Variants in HS6ST3 observed in about 807,000 individuals in gnomAD.
HS6ST3 encodes heparan sulfate 6-O-sulfotransferase 3, also known as heparan-sulfate 6-O-sulfotransferase 3.
HS6ST3 carries 12 observed loss-of-function variants against 36.7 expected under a neutral mutation model. The ratio of observed to expected loss-of-function variants is 0.33; its 90% confidence interval spans 0.21 to 0.53. The LOEUF is 0.53. Among genes scored for constraint, HS6ST3 ranks in the 20% least tolerant of loss-of-function variants. HS6ST3 has a pLI of 0.95. For missense variants in HS6ST3, 584 were observed against 640.9 expected, an observed-to-expected ratio of 0.91 and a Z score of 0.96; for synonymous variants, 240 against 257.5, an observed-to-expected ratio of 0.93 and a Z score of 0.65.
chr13:96,832,582 C>G lies in HS6ST3; in HGVS notation c.800C>G (p.Ser267Cys), dbSNP rs533169440. The change falls in exon 2 of 2, where the codon TCT becomes TGT. Residue 267 changes from serine (S) to cysteine (C), a missense_variant. Ser to Cys is a moderately radical substitution (Grantham distance 112). This residue lies in a region of HS6ST3 where 360 missense variants were observed against 411.3 expected (regional missense o/e 0.88). Coordinates refer to ENST00000376705, the MANE Select transcript of HS6ST3 (RefSeq NM_153456.4). The stretch of plus-strand genomic sequence containing the variant: ...CAGAGAGGGGCCACTTGGAAAACCT[C>G]TCTTCATATGTGTGATGGAAGAAGC... ...HVQRGATWKT[S>C]LHMCDGRSPT... 1 of 1,613,962 alleles carries G rather than the reference C, an allele frequency of 6.2e-7. No individual in the cohort carries two copies. The highest frequency in any genetic ancestry group is 1.1e-5 in the South Asian group (1 of 91,044).
At chr13:96,224,745 G>A (rs1416176868) in intron 1 of HS6ST3, among the ~76,000 whole-genome samples, 1 of 152,170 alleles carries the variant, frequency 6.6e-6, no homozygotes. Flanking sequence ...GCAGTGCTTG[G>A]TCATCGAAGG....
intron 1 of HS6ST3, among the ~76,000 whole-genome samples, chr13:96,332,250 T>C (rs907843948): frequency 1.3e-5 from 2 of 152,176 alleles, no homozygotes; most frequent in African/African-American, 4.8e-5. Flanking sequence ...AAATTTCATA[T>C]CATAGTTTTA....
intron 1 of HS6ST3, among the ~76,000 whole-genome samples, chr13:96,304,209 T>C (rs2054897941): frequency 6.6e-6 from 1 of 152,094 alleles, no homozygotes; most frequent in Non-Finnish European, 1.5e-5. Flanking sequence ...TTTCTACTCA[T>C]GCAGATTCTG....
chr13:96,326,011 C>A (rs1323764295), intron 1 of HS6ST3, among the ~76,000 whole-genome samples: 1 of 151,892 alleles, frequency 6.6e-6, no homozygotes, highest in Non-Finnish European at 1.5e-5. Context: ...GCTTAAAATT[C>A]CCTAGTGATA....
At chr13:96,715,224 A>G (rs956713639) in intron 1 of HS6ST3, among the ~76,000 whole-genome samples, 1 of 152,176 alleles carries the variant, frequency 6.6e-6, no homozygotes, top group Non-Finnish European at 1.5e-5. Flanking sequence ...ACTTAAAGTA[A>G]AAAAGAAATA....
intron 1 of HS6ST3, among the ~76,000 whole-genome samples, chr13:96,601,647 G>A (rs1206297108): frequency 6.6e-6 from 1 of 152,078 alleles, no homozygotes; most frequent in Non-Finnish European, 1.5e-5. Flanking sequence ...TACTGCTGGA[G>A]AGTTAGTATA....
chr13:96,183,477 C>G (rs374692929), intron 1 of HS6ST3, among the ~76,000 whole-genome samples: 1 of 152,046 alleles, frequency 6.6e-6, no homozygotes, highest in South Asian at 2.1e-4. Flanking sequence ...ATCCCCCACC[C>G]CCTTCTAATT....
intron 1 of HS6ST3, among the ~76,000 whole-genome samples, chr13:96,394,687 A>G (rs1473874210): frequency 3.9e-5 from 6 of 152,330 alleles, no homozygotes; most frequent in African/African-American, 1.4e-4. Context: ...CTTTGCAATA[A>G]AGAGCTTAGA....
chr13:96,601,679 A>G (rs1328330605), intron 1 of HS6ST3, among the ~76,000 whole-genome samples: 1 of 150,402 alleles, frequency 6.6e-6, no homozygotes, highest in Non-Finnish European at 1.5e-5. Context: ...GTGTTGCAGA[A>G]CTCTTTTTTT....
At chr13:96,771,925 T>C (rs570378006) in intron 1 of HS6ST3, among the ~76,000 whole-genome samples, 2 of 152,366 alleles carry the variant, frequency 1.3e-5, no homozygotes, top group East Asian at 1.9e-4. Context: ...TGAAATACTA[T>C]GAAATACAGG....
intron 1 of HS6ST3, among the ~76,000 whole-genome samples, chr13:96,239,928 GA>G (rs1316208418): frequency 2.0e-5 from 3 of 152,106 alleles, no homozygotes; most frequent in Non-Finnish European, 4.4e-5. Flanking sequence ...TAATGCAATA[GA>G]AAAGCAAACT....
intron 1 of HS6ST3, among the ~76,000 whole-genome samples, chr13:96,444,216 A>ATTC (rs984661180): frequency 6.6e-6 from 1 of 152,164 alleles, no homozygotes; most frequent in Admixed American, 6.5e-5. Context: ...TTAAAAAGAA[A>ATTC]TTCTCAAATG....
chr13:96,305,772 G>A (rs1367602109), intron 1 of HS6ST3, among the ~76,000 whole-genome samples: 1 of 151,258 alleles, frequency 6.6e-6, no homozygotes, highest in Non-Finnish European at 1.5e-5. Flanking sequence ...ATACATAGTT[G>A]GTTCAAGATC....
chr13:96,810,620 T>A (rs760507967), intron 1 of HS6ST3, among the ~76,000 whole-genome samples: 1 of 152,188 alleles, frequency 6.6e-6, no homozygotes, highest in Non-Finnish European at 1.5e-5. Context: ...TTTGTTCAAG[T>A]AAGTGGTGTC....
intron 1 of HS6ST3, among the ~76,000 whole-genome samples, chr13:96,715,949 T>C (rs1177849433): frequency 6.6e-6 from 1 of 152,084 alleles, no homozygotes; most frequent in East Asian, 1.9e-4. Context: ...TAATTTTACA[T>C]CAGATTGATA....
At chr13:96,798,397 G>T (rs926702402) in intron 1 of HS6ST3, among the ~76,000 whole-genome samples, 6 of 152,060 alleles carry the variant, frequency 3.9e-5, no homozygotes, top group African/African-American at 1.4e-4. Context: ...TCTTTTGGGT[G>T]ACCAGCTCCC....
At chr13:96,249,056 TTC>T (rs2054596445) in intron 1 of HS6ST3, among the ~76,000 whole-genome samples, 1 of 152,190 alleles carries the variant, frequency 6.6e-6, no homozygotes, top group Non-Finnish European at 1.5e-5. Context: ...TCCTCTGGTC[TTC>T]TCTTTCCTCT....
intron 1 of HS6ST3, among the ~76,000 whole-genome samples, chr13:96,490,935 G>A (rs753003756): frequency 1.3e-5 from 2 of 152,318 alleles, no homozygotes; most frequent in East Asian, 1.9e-4. Context: ...CACCTATGGC[G>A]AACCACGCAA....
rs139547171 is a variant in HS6ST3, at chr13:96,215,514, G to A, written c.707+123945G>A. 2.7e-3 allele frequency among the ~76,000 whole-genome samples: 407 copies of A among 152,206 alleles called. 3 individuals are homozygous for A. Among genetic ancestry groups the A allele is most frequent in the African/African-American group, 9.4e-3 (389 of 41,520 alleles). ...AAACTGTGTACTCTTCTATAGTTCT[G>A]TGGAAAATGAATATTAAAAAAGACT... On this transcript the variant is annotated intron_variant, in intron 1 of 1. Coordinates refer to ENST00000376705, the MANE Select transcript of HS6ST3 (RefSeq NM_153456.4).
Sources: gnomAD v4.1 joint callset for allele counts (sites outside exome capture counted in the v4.1 genomes callset) on GRCh38, gnomAD v4.1.1 for gene constraint, gnomAD v4.1.1 regional missense constraint, MANE v1.5 for transcripts, NCBI Gene and HGNC (gene_info 2026-07-23, HGNC 2026-07-21) for gene names.